Variants in PTPN14 observed in about 807,000 individuals in gnomAD.
The protein encoded by PTPN14 is tyrosine-protein phosphatase non-receptor type 14.
Under a neutral mutation model 126.8 loss-of-function variants are expected in PTPN14, and 53 were observed. The observed-to-expected ratio is 0.42, with a 90% CI of 0.34 to 0.53. The LOEUF is 0.53. Among genes scored for constraint, PTPN14 ranks in the 20% least tolerant of loss-of-function variants. The pLI is 0.08. For synonymous variants in PTPN14, 630 were observed against 599.3 expected, an observed-to-expected ratio of 1.05 and a Z score of -0.75; for missense variants, 1,257 against 1,552.9, an observed-to-expected ratio of 0.81 and a Z score of 3.20.
intron 1 of PTPN14, chr1:214,483,199 C>A (rs542764020): frequency 6.2e-7 from 1 of 1,608,612 alleles, no homozygotes; most frequent in South Asian, 1.1e-5. Flanking sequence ...GTCTATAAAT[C>A]AGTTTGTTGT....
intron 5 of PTPN14, among the ~76,000 whole-genome samples, chr1:214,410,536 C>T (rs1659283773): frequency 6.6e-6 from 1 of 152,144 alleles, no homozygotes. Flanking sequence ...TGTGATCCGG[C>T]CGCCTAGGCC....
At chr1:214,447,640 C>T (rs1198080446) in intron 3 of PTPN14, among the ~76,000 whole-genome samples, 1 of 152,060 alleles carries the variant, frequency 6.6e-6, no homozygotes, top group Admixed American at 6.5e-5. Context: ...CACCCCTTGG[C>T]ACATTCCAGT....
At chr1:214,492,923 C>T (rs1249959687) in intron 1 of PTPN14, among the ~76,000 whole-genome samples, 2 of 150,266 alleles carry the variant, frequency 1.3e-5, no homozygotes, top group Non-Finnish European at 3.0e-5. Flanking sequence ...AAAAAGAATG[C>T]GGCAGAATTC....
At chr1:214,458,671 C>T (rs893499469) in intron 2 of PTPN14, among the ~76,000 whole-genome samples, 13 of 152,212 alleles carry the variant, frequency 8.5e-5, no homozygotes, top group Non-Finnish European at 1.6e-4. Flanking sequence ...CAAACTCAGG[C>T]AGTTTGGTCC....
chr1:214,507,497 C>G (rs17734879), intron 1 of PTPN14, among the ~76,000 whole-genome samples: 5,855 of 152,298 alleles, frequency 0.038, 173 homozygotes, highest in Middle Eastern at 0.12. Context: ...TAGAAGAACA[C>G]TTTCAAGACA....
rs532913450 is a variant in PTPN14, at chr1:214,483,346, C to T, written c.-154-18389G>A. The T allele has an allele frequency of 2.4e-5, 39 of 1,612,806 alleles. No homozygotes were observed. The African/African-American group carries it at 3.9e-4, about 16-fold the overall frequency. ...AGGGGCGGTAGAACTTGGAGAGCCG[C>T]GGCTTCCCGTGGTTGTTGAAGATTA... On this transcript the variant is annotated intron_variant, in intron 1 of 18. Transcript: ENST00000366956.
chr1:214,376,159 G>C, intron 15 of PTPN14, 60 bp downstream of exon 15: 1 of 1,483,006 alleles, frequency 6.7e-7, no homozygotes. Context: ...TCTTCTCCCC[G>C]CATTTTTCCC....
chr1:214,484,590 A>AC (rs1036127602), intron 1 of PTPN14, among the ~76,000 whole-genome samples: 1 of 151,978 alleles, frequency 6.6e-6, no homozygotes, highest in Non-Finnish European at 1.5e-5. Flanking sequence ...GGTTTCAGAA[A>AC]CCCCCCCAAC....
intron 5 of PTPN14, 129 bp from the exon 6 acceptor site, chr1:214,403,082 T>G (rs1659073484): frequency 2.4e-6 from 2 of 834,966 alleles, no homozygotes; most frequent in Non-Finnish European, 3.9e-6. Flanking sequence ...CCTTTACTGC[T>G]GTAGAATTAA....
At chr1:214,393,469 A>G (rs1217758034) in intron 10 of PTPN14, among the ~76,000 whole-genome samples, 3 of 152,256 alleles carry the variant, frequency 2.0e-5, no homozygotes, top group Non-Finnish European at 4.4e-5. Flanking sequence ...GCAGCCAAGC[A>G]TTCACAGTCA....
At chr1:214,407,083 C>T (rs901192141) in intron 5 of PTPN14, among the ~76,000 whole-genome samples, 23 of 152,314 alleles carry the variant, frequency 1.5e-4, no homozygotes, top group African/African-American at 5.1e-4. Context: ...GAAATGTTGA[C>T]TCAAGCATAT....
At chr1:214,470,783 T>TC (rs1420238994) in intron 1 of PTPN14, among the ~76,000 whole-genome samples, 2 of 21,606 alleles carry the variant, frequency 9.3e-5, no homozygotes, top group African/African-American at 5.3e-4. Context: ...AAATTCCATC[T>TC]CAAAAAAAAA....
intron 5 of PTPN14, 87 bp from the exon 6 acceptor site, chr1:214,403,040 T>C (rs1659072335): frequency 1.5e-6 from 2 of 1,318,376 alleles, no homozygotes; most frequent in Non-Finnish European, 2.2e-6. Context: ...CTTCCTCAGA[T>C]GTTCCTGATT....
At chr1:214,425,720 C>T (rs1234025118) in intron 3 of PTPN14, among the ~76,000 whole-genome samples, 1 of 152,148 alleles carries the variant, frequency 6.6e-6, no homozygotes, top group African/African-American at 2.4e-5. Context: ...GAATTCTCCA[C>T]AATTGGAATT....
rs1202465501 is a variant in PTPN14, at chr1:214,489,319, GCCAAA to G, written c.-154-24367_-154-24363del. 2.0e-4 allele frequency among the ~76,000 whole-genome samples: 30 copies of G among 152,218 alleles called. No homozygotes were observed. In the East Asian group the frequency reaches 5.8e-3, roughly 29 times the overall value. On this transcript the variant is annotated intron_variant, in intron 1 of 18. Coordinates refer to ENST00000366956, the MANE Select transcript of PTPN14 (RefSeq NM_005401.5). Reference sequence around the variant, plus strand: ...GGACACAAAGCCAGGAAGTGGCAGAGCCAAACCCAAAACCGTATCCATCTGTACCA... The same window carrying G: ...GGACACAAAGCCAGGAAGTGGCAGAGCCCAAAACCGTATCCATCTGTACCA...
intron 13 of PTPN14, among the ~76,000 whole-genome samples, chr1:214,378,881 C>G (rs942586597): frequency 5.9e-5 from 9 of 151,476 alleles, no homozygotes; most frequent in African/African-American, 2.2e-4. Flanking sequence ...CGGAACTGAG[C>G]AGACCACTTA....
intron 7 of PTPN14, among the ~76,000 whole-genome samples, chr1:214,401,059 T>C (rs1318060064): frequency 6.6e-6 from 1 of 152,020 alleles, no homozygotes; most frequent in African/African-American, 2.4e-5. Flanking sequence ...GAGTGGAAAA[T>C]GAGTTTGGAT....
chr1:214,374,663 A>T (rs1658300106), intron 15 of PTPN14, among the ~76,000 whole-genome samples: 1 of 152,210 alleles, frequency 6.6e-6, no homozygotes, highest in Non-Finnish European at 1.5e-5. Context: ...TCCAAAACAC[A>T]GGGACAAGTT....
Position 214,461,543 on chromosome 1 carries a change from T to C in PTPN14, c.174+3087A>G, listed in dbSNP as rs1446464628. On this transcript the variant is annotated intron_variant, in intron 2 of 18. Coordinates refer to ENST00000366956, the MANE Select transcript of PTPN14 (RefSeq NM_005401.5). ...AGCTACTTGGGAGGCTGAGGTGGGA[T>C]CACTTGAGCTCAGGAGGTTGAGGCT... Among the ~76,000 whole-genome samples the C allele has an allele frequency of 2.0e-5, 3 of 152,078 alleles. No individual in the cohort carries two copies. In the East Asian group the frequency reaches 5.8e-4, roughly 29 times the overall value.
Sources: allele counts gnomAD v4.1 joint callset (sites outside exome capture counted in the v4.1 genomes callset), GRCh38; gene constraint gnomAD v4.1.1; transcripts MANE v1.5; gene names NCBI Gene and HGNC (gene_info 2026-07-23, HGNC 2026-07-21).